Variants in MAP2 observed in about 807,000 individuals in gnomAD.
MAP2 encodes microtubule associated protein 2.
Under a neutral mutation model 137.6 loss-of-function variants are expected in MAP2, and 14 were observed. That is an observed-to-expected ratio of 0.10 (90% CI 0.07 to 0.16). MAP2 has a LOEUF of 0.16. MAP2 is among the 10% of genes least tolerant of loss of function. The pLI is 1.00. For missense variants in MAP2, 2,088 were observed against 2,191.5 expected (o/e 0.95, Z 0.94); for synonymous variants, 786 against 782.3 (o/e 1.00, Z -0.08).
intron 3 of MAP2, among the ~76,000 whole-genome samples, chr2:209,600,286 T>C (rs887352721): frequency 6.6e-6 from 1 of 152,228 alleles, no homozygotes; most frequent in Non-Finnish European, 1.5e-5. Context: ...GGAAATTATA[T>C]ACAACCTAAA....
intron 3 of MAP2, among the ~76,000 whole-genome samples, chr2:209,606,346 C>G (rs2084746366): frequency 6.6e-6 from 1 of 152,082 alleles, no homozygotes; most frequent in African/African-American, 2.4e-5. Context: ...AAGATGTTTC[C>G]TCTTGGTATT....
chr2:209,528,729 T>C (rs1299529746), intron 2 of MAP2, among the ~76,000 whole-genome samples: 2 of 151,358 alleles, frequency 1.3e-5, no homozygotes, highest in Non-Finnish European at 2.9e-5. Context: ...TATATGTACA[T>C]AAATATACAT....
chr2:209,572,723 C>T (rs1303648728), intron 2 of MAP2, among the ~76,000 whole-genome samples: 6 of 152,210 alleles, frequency 3.9e-5, no homozygotes, highest in South Asian at 2.1e-4. Context: ...TGTTTGCTGT[C>T]AGAATTATTT....
intron 5 of MAP2, among the ~76,000 whole-genome samples, chr2:209,656,854 G>T (rs1326412143): frequency 6.6e-6 from 1 of 152,072 alleles, no homozygotes; most frequent in East Asian, 1.9e-4. Context: ...TGAAGTCTGG[G>T]CTTTGAGTGT....
At chr2:209,441,870 C>A (rs758452299) in intron 1 of MAP2, among the ~76,000 whole-genome samples, 26 of 151,488 alleles carry the variant, frequency 1.7e-4, no homozygotes, top group Non-Finnish European at 1.9e-4. Flanking sequence ...TATAGCAGGA[C>A]TGTAAATGGA....
At chr2:209,489,508 A>G (rs1441077056) in intron 1 of MAP2, among the ~76,000 whole-genome samples, 5 of 152,182 alleles carry the variant, frequency 3.3e-5, no homozygotes, top group Non-Finnish European at 5.9e-5. Flanking sequence ...CTAAGGGAGC[A>G]TGTTCTAACC....
At chr2:209,561,758 T>C (rs2072163154) in intron 2 of MAP2, among the ~76,000 whole-genome samples, 1 of 152,254 alleles carries the variant, frequency 6.6e-6, no homozygotes. Flanking sequence ...CTATGTTGTC[T>C]AATTTTATTT....
chr2:209,695,348 C>G lies in MAP2; in HGVS notation c.3178C>G (p.Leu1060Val). The change falls in exon 8 of 16, where the codon CTA becomes GTA. Residue 1060 changes from leucine (L) to valine (V), a missense_variant. Transcript: ENST00000682079. ...TGACTTTGGACAGATGGCTTCAGGGCTAAACATAGATGATAGAAGGGCAAC... is the reference window on the plus strand; with the variant it reads ...TGACTTTGGACAGATGGCTTCAGGGGTAAACATAGATGATAGAAGGGCAAC... ...ISDFGQMASG[L>V]NIDDRRATEL... The G allele has an allele frequency of 1.2e-6, 2 of 1,613,884 alleles. No homozygotes were observed. Among genetic ancestry groups the G allele is most frequent in the Non-Finnish European group, 1.7e-6 (2 of 1,179,936 alleles).
At chr2:209,490,714 G>T (rs139325040) in intron 1 of MAP2, among the ~76,000 whole-genome samples, 2 of 149,176 alleles carry the variant, frequency 1.3e-5, no homozygotes, top group African/African-American at 4.9e-5. Flanking sequence ...AGGACATTAC[G>T]TAATGGTAAA....
At chr2:209,656,656 C>T (rs1167084686) in intron 5 of MAP2, among the ~76,000 whole-genome samples, 1 of 152,010 alleles carries the variant, frequency 6.6e-6, no homozygotes, top group South Asian at 2.1e-4. Context: ...TTTTGGAAGC[C>T]ATGCCACAGA....
intron 3 of MAP2, among the ~76,000 whole-genome samples, chr2:209,609,367 A>C (rs1275026859): frequency 6.6e-6 from 1 of 152,166 alleles, no homozygotes; most frequent in Non-Finnish European, 1.5e-5. Flanking sequence ...TCACATATAA[A>C]AATTCACCCC....
In MAP2 at chr2:209,709,945, T is replaced by C; in HGVS notation, c.4764T>C (p.Ser1588=). Residue 1588 remains serine, a synonymous_variant, in exon 13 of 16, where the codon AGT becomes AGC. Transcript: ENST00000682079. ...RSEPIRRAGK[S]GTSTPTTPGS... The stretch of plus-strand genomic sequence containing the variant: ...AGCCAATTCGCAGAGCAGGGAAGAG[T>C]GGTACCTCAACACCCACTACCCCTG... The C allele has an allele frequency of 6.2e-7, 1 of 1,613,410 alleles. No individual in the cohort carries two copies. The highest frequency in any genetic ancestry group is 8.5e-7 in the Non-Finnish European group (1 of 1,179,812).
intron 1 of MAP2, among the ~76,000 whole-genome samples, chr2:209,439,692 A>G (rs1697275851): frequency 6.6e-6 from 1 of 151,454 alleles, no homozygotes; most frequent in East Asian, 1.9e-4. Flanking sequence ...CCTACATAAG[A>G]GATGCATATC....
chr2:209,584,629 T>C (rs1374207601), intron 3 of MAP2, among the ~76,000 whole-genome samples: 1 of 152,128 alleles, frequency 6.6e-6, no homozygotes, highest in Admixed American at 6.6e-5. Context: ...GTTTTATAGC[T>C]CTGTGTGAGA....
intron 12 of MAP2, 81 bp from the exon 13 acceptor site, chr2:209,709,833 T>G (rs2064850514): frequency 3.0e-6 from 3 of 991,546 alleles, no homozygotes; most frequent in Non-Finnish European, 4.6e-6. Context: ...TATTATGACT[T>G]CTAACAATCT....
At chr2:209,554,077 G>GT (rs2069893012) in intron 2 of MAP2, among the ~76,000 whole-genome samples, 1 of 152,182 alleles carries the variant, frequency 6.6e-6, no homozygotes, top group South Asian at 2.1e-4. Context: ...GTTTCACAGT[G>GT]TAAACTACTG....
In MAP2 at chr2:209,653,906, G is replaced by A. The variant is rs376232999; in HGVS notation, c.262+474G>A. Among the ~76,000 whole-genome samples, 6 of 152,284 alleles carry A rather than the reference G, an allele frequency of 3.9e-5. No individual in the cohort carries two copies. The East Asian group carries it at 7.7e-4, about 20-fold the overall frequency. ...AGCTTTTCTACATGCAAGGTGTTGT[G>A]TTAGCTTCTGTGCCAGTGCATGTGC... On this transcript the variant is annotated intron_variant, in intron 5 of 15. Transcript: ENST00000682079.
chr2:209,484,078 T>TA (rs1274405738), intron 1 of MAP2, among the ~76,000 whole-genome samples: 1 of 152,080 alleles, frequency 6.6e-6, no homozygotes, highest in Non-Finnish European at 1.5e-5. Context: ...ATTCCTTAGT[T>TA]AAAAAAATAG....
rs1437822444 is a variant in MAP2 at position 209,692,629 on chromosome 2, A to G, written c.459A>G (p.Leu153=). 1 of 1,570,276 alleles carries G rather than the reference A, an allele frequency of 6.4e-7. No individual in the cohort carries two copies. Residue 153 remains leucine (L), a synonymous_variant, in exon 8 of 16, where the codon TTA becomes TTG. Coordinates refer to ENST00000682079, the MANE Select transcript of MAP2 (RefSeq NM_001375505.1). The part of the protein sequence containing the change: ...SEQTVTVEED[L]LTASKMEFHD... ...AAATCAACCCGATTACTTCAGATTT[A>G]CTTACAGCCTCGAAGATGGAGTTCC...
Sources: gnomAD v4.1 joint callset for allele counts (sites outside exome capture counted in the v4.1 genomes callset) on GRCh38, gnomAD v4.1.1 for gene constraint, MANE v1.5 for transcripts, NCBI Gene and HGNC (gene_info 2026-07-23, HGNC 2026-07-21) for gene names.